The following UBR2 variants were observed in gnomAD, a reference collection of about 807,000 sequenced individuals.
The protein encoded by UBR2 is ubiquitin protein ligase E3 component n-recognin 2, also known as E3 ubiquitin-protein ligase UBR2.
A neutral mutation model predicts 247.9 loss-of-function variants in UBR2; 92 were observed. The observed-to-expected ratio is 0.37, with a 90% CI of 0.31 to 0.44. UBR2 has a LOEUF of 0.44. UBR2 is among the 20% of genes least tolerant of loss of function. UBR2 has a pLI of 1.00. For synonymous variants in UBR2, 672 were observed against 693.5 expected (o/e 0.97, Z 0.49); for missense variants, 1,613 against 2,112.6 (o/e 0.76, Z 4.64).
intron 4 of UBR2, among the ~76,000 whole-genome samples, chr6:42,600,112 T>C (rs1274950114): frequency 6.6e-6 from 1 of 152,180 alleles, no homozygotes; most frequent in Admixed American, 6.5e-5. Context: ...CATACCTACA[T>C]TGCATATGAT....
intron 13 of UBR2, 23 bp downstream of exon 13, chr6:42,632,927 T>C: frequency 7.0e-7 from 1 of 1,436,618 alleles, no homozygotes; most frequent in East Asian, 2.5e-5. Context: ...TGTTACACTT[T>C]TCTTTTTCCT....
chr6:42,639,966 T>G lies in UBR2; in HGVS notation c.1859-243T>G, dbSNP rs533555017. 2.6e-5 allele frequency among the ~76,000 whole-genome samples: 4 copies of G among 152,238 alleles called. No individual in the cohort carries two copies. The East Asian group carries it at 7.7e-4, about 29-fold the overall frequency. On this transcript the variant is annotated intron_variant, in intron 15 of 46. Coordinates refer to ENST00000372901, the MANE Select transcript of UBR2 (RefSeq NM_001363705.2). ...TGGCGTGAACCCGGGAGGCGGAGCT[T>G]GCAGTGATCCAAGATCGCGCCACTG... is the stretch of plus-strand genomic sequence containing the variant.
intron 34 of UBR2, among the ~76,000 whole-genome samples, chr6:42,666,454 C>G (rs1051325656): frequency 3.9e-5 from 6 of 152,156 alleles, no homozygotes; most frequent in African/African-American, 1.4e-4. Flanking sequence ...TGCACCACTA[C>G]ATTCCAGTCT....
chr6:42,676,632 C>T, intron 39 of UBR2, 151 bp from the exon 40 acceptor site: 3 of 654,960 alleles, frequency 4.6e-6, no homozygotes, highest in Non-Finnish European at 7.9e-6. Flanking sequence ...ATACTGTGCT[C>T]CCACTTGAGG....
intron 22 of UBR2, among the ~76,000 whole-genome samples, 170 bp from the exon 23 acceptor site, chr6:42,650,114 A>C (rs370052774): frequency 6.6e-6 from 1 of 152,030 alleles, no homozygotes; most frequent in Non-Finnish European, 1.5e-5. Context: ...AAACAGATGC[A>C]TGTAGAACTC....
chr6:42,629,865 A>T (rs555583335), intron 11 of UBR2, among the ~76,000 whole-genome samples: 3 of 152,016 alleles, frequency 2.0e-5, no homozygotes, highest in African/African-American at 7.2e-5. Context: ...TTCTTTTGTT[A>T]TCTTTTAGAA....
rs1436566364 is a variant in UBR2 at position 42,663,373 on chromosome 6, A to G, written c.3652A>G (p.Asn1218Asp). ...TTGCCCCCTTTGTGAATGCTTGAGT[A>G]ATACTGTTATTCCTCTGCTGCTTCC... ...FLCPLCECLS[N>D]TVIPLLLPPR... The change falls in exon 32 of 47, where the codon AAT (asparagine) becomes GAT (aspartate). Residue 1218 changes from asparagine to aspartate, a missense_variant. Asn to Asp is a conservative substitution (Grantham distance 23). Transcript: ENST00000372901. 2 of 1,613,498 alleles carry G rather than the reference A, an allele frequency of 1.2e-6. No homozygotes were observed. Among genetic ancestry groups the G allele is most frequent in the Non-Finnish European group, 1.7e-6 (2 of 1,179,774 alleles).
intron 13 of UBR2, 117 bp downstream of exon 13, chr6:42,633,021 C>A (rs1239378021): frequency 1.5e-6 from 1 of 671,254 alleles, no homozygotes; most frequent in East Asian, 3.1e-5. Context: ...ACTGTGTTGC[C>A]CAGGGTGGAG....
At chr6:42,614,515 G>C (rs918531723) in intron 8 of UBR2, among the ~76,000 whole-genome samples, 1 of 150,562 alleles carries the variant, frequency 6.6e-6, no homozygotes, top group East Asian at 1.9e-4. Flanking sequence ...TTTGAAGAAC[G>C]TTTCTGAAGT....
chr6:42,578,014 G>A (rs897305196), intron 2 of UBR2, among the ~76,000 whole-genome samples: 1 of 152,042 alleles, frequency 6.6e-6, no homozygotes, highest in African/African-American at 2.4e-5. Context: ...ATCAAATCAA[G>A]GTAACTAGGA....
chr6:42,637,865 T>C (rs960970299), intron 15 of UBR2, among the ~76,000 whole-genome samples: 26 of 152,248 alleles, frequency 1.7e-4, no homozygotes, highest in African/African-American at 5.5e-4. Context: ...TCATATTTCT[T>C]GATTCTAGGT....
chr6:42,674,895 T>C (rs1798635901), intron 38 of UBR2, among the ~76,000 whole-genome samples: 1 of 152,068 alleles, frequency 6.6e-6, no homozygotes, highest in East Asian at 1.9e-4. Context: ...CAGGGAAAGG[T>C]ATGTCCTCTG....
intron 23 of UBR2, among the ~76,000 whole-genome samples, chr6:42,651,709 T>A (rs1383771522): frequency 6.6e-6 from 1 of 151,628 alleles, no homozygotes; most frequent in Admixed American, 6.6e-5. Context: ...CAGGCTGCTC[T>A]CGAACTCCTG....
intron 8 of UBR2, 57 bp from the exon 9 acceptor site, chr6:42,615,014 G>A: frequency 7.0e-7 from 1 of 1,427,856 alleles, no homozygotes; most frequent in Non-Finnish European, 9.7e-7. Context: ...CTACTAAAAT[G>A]TCACTATTTT....
chr6:42,638,032 G>GTT (rs1441837734), intron 15 of UBR2, among the ~76,000 whole-genome samples: 2 of 151,920 alleles, frequency 1.3e-5, no homozygotes, highest in African/African-American at 4.8e-5. Flanking sequence ...TATGTTTTTT[G>GTT]TTTTGTTTTG....
In UBR2 at chr6:42,691,266, T is replaced by G; in HGVS notation, c.*93T>G. On this transcript the variant is annotated 3_prime_UTR_variant, in exon 47 of 47. Transcript: ENST00000372901. ...AGTTCTGCTGAATTTGGAAATAAATTCTTTATTTAAACTTTCCTTCCCAGT... is the reference window on the plus strand; with the variant it reads ...AGTTCTGCTGAATTTGGAAATAAATGCTTTATTTAAACTTTCCTTCCCAGT... 6.5e-7 allele frequency: 1 copy of G among 1,527,288 alleles called. No homozygotes were observed. Among genetic ancestry groups the G allele is most frequent in the Non-Finnish European group, 8.9e-7 (1 of 1,124,024 alleles). The allele number at this position is 1,527,288 out of a possible 1,614,324, so 94.6% of individuals were successfully genotyped here.
chr6:42,596,950 G>A (rs1793015082), intron 4 of UBR2, among the ~76,000 whole-genome samples: 1 of 152,112 alleles, frequency 6.6e-6, no homozygotes. Context: ...CCACTGAGTT[G>A]TTCACTTTAA....
chr6:42,568,239 G>A (rs1790897479), intron 1 of UBR2, among the ~76,000 whole-genome samples: 1 of 151,988 alleles, frequency 6.6e-6, no homozygotes, highest in Non-Finnish European at 1.5e-5. Flanking sequence ...TCAATTTTGG[G>A]ACATTTTTAT....
chr6:42,641,451 A>AAATAAT, intron 16 of UBR2, 131 bp from the exon 17 acceptor site: 1 of 596,804 alleles, frequency 1.7e-6, no homozygotes, highest in Non-Finnish European at 2.7e-6. Context: ...CTGTCTCAAA[A>AAATAAT]AATAATAATA....
Sources: gnomAD v4.1 joint callset for allele counts (sites outside exome capture counted in the v4.1 genomes callset) on GRCh38, gnomAD v4.1.1 for gene constraint, MANE v1.5 for transcripts, NCBI Gene and HGNC (gene_info 2026-07-23, HGNC 2026-07-21) for gene names.